The following PCDHGA3 variants were observed in gnomAD, a reference collection of about 807,000 sequenced individuals.
PCDHGA3 encodes protocadherin gamma-A3.
PCDHGA3 carries 40 observed loss-of-function variants against 58.5 expected under a neutral mutation model. That is an observed-to-expected ratio of 0.68 (90% confidence interval 0.53 to 0.89). The LOEUF (loss-of-function observed/expected upper bound fraction) is 0.89, where lower values mean the gene tolerates loss of function less well. Among genes scored for constraint, PCDHGA3 ranks in the 40% least tolerant of loss-of-function variants. The pLI, the probability that PCDHGA3 is intolerant of heterozygous loss-of-function variation, is 0.00. For missense variants in PCDHGA3, 1,223 were observed against 1,195.9 expected, an observed-to-expected ratio of 1.02 and a Z score of -0.33; for synonymous variants, 530 against 525.7, an observed-to-expected ratio of 1.01 and a Z score of -0.11.
At chr5:141,399,362 C>G (rs182743080) in intron 1 of PCDHGA3, 1 of 1,613,872 alleles carries the variant, frequency 6.2e-7, no homozygotes, top group Non-Finnish European at 8.5e-7. Context: ...GAGCAAACCC[C>G]GGAGTACAAT....
chr5:141,399,945 G>T, intron 1 of PCDHGA3: 2 of 1,612,308 alleles, frequency 1.2e-6, no homozygotes, highest in Non-Finnish European at 1.7e-6. Context: ...ACGTGCTGCA[G>T]GCTAGCGAGC....
At position 141,486,055 on chromosome 5, in the gene PCDHGA3, C is replaced by T; in HGVS notation, c.2425-8752C>T. 6.2e-7 allele frequency: 1 copy of T among 1,614,170 alleles called. No individual in the cohort carries two copies. ...CTGATCGTGTAAGAAACCTCTTTAG[C>T]CTGCACCCCACTACTGGAAAGCTTA... On this transcript the variant is annotated intron_variant, in intron 1 of 3. Transcript: ENST00000253812. The surrounding 1 kb of genome is among the most constrained non-coding windows in gnomAD (Gnocchi z 5.0).
intron 1 of PCDHGA3, chr5:141,372,764 T>C: frequency 6.2e-7 from 1 of 1,612,408 alleles, no homozygotes; most frequent in Non-Finnish European, 8.5e-7. Context: ...GGTTTGAAAG[T>C]AATGACAATC....
In PCDHGA3 at chr5:141,370,660, G is replaced by A. The variant is rs199537402; in HGVS notation, c.2424+24203G>A. 3.1e-6 allele frequency: 5 copies of A among 1,613,752 alleles called. No individual in the cohort carries two copies. The Admixed American group carries it at 5.0e-5, about 16-fold the overall frequency. ...AATGGGAACTTACTTGTGAGCGACC[G>A]TATAGACCGAGAGGAGATTTGTGGC... On this transcript the variant is annotated intron_variant, in intron 1 of 3. Transcript: ENST00000253812.
At chr5:141,505,261 T>C in intron 2 of PCDHGA3, 132 bp from the exon 3 acceptor site, 1 of 1,505,282 alleles carries the variant, frequency 6.6e-7, no homozygotes. Context: ...GCCTCCTACC[T>C]TGCTGAGAGA....
At chr5:141,469,782 G>A (rs760985231) in intron 1 of PCDHGA3, among the ~76,000 whole-genome samples, 8 of 152,204 alleles carry the variant, frequency 5.3e-5, no homozygotes, top group African/African-American at 1.7e-4. Context: ...TTATTACAGC[G>A]TTATTTGTAA....
intron 1 of PCDHGA3, chr5:141,416,346 T>A (rs2096017940): frequency 6.6e-6 from 1 of 152,238 alleles, no homozygotes; most frequent in African/African-American, 2.4e-5. Flanking sequence ...TCAATAGGGA[T>A]CCTGAGGAGG....
chr5:141,357,288 A>G (rs1399396689), intron 1 of PCDHGA3: 1 of 1,613,874 alleles, frequency 6.2e-7, no homozygotes, highest in Admixed American at 1.7e-5. Flanking sequence ...TCGTGGTGGC[A>G]GTGGCCGCTG....
At chr5:141,498,921 AG>A (rs1289139995) in intron 2 of PCDHGA3, among the ~76,000 whole-genome samples, 1 of 140,074 alleles carries the variant, frequency 7.1e-6, no homozygotes, top group Non-Finnish European at 1.6e-5. Flanking sequence ...TGACAGAGCG[AG>A]ACTCCATCAG....
chr5:141,352,800 G>A (rs1410243639), intron 1 of PCDHGA3: 9 of 919,340 alleles, frequency 9.8e-6, no homozygotes, highest in South Asian at 3.4e-5. Context: ...GACCAGCATA[G>A]CCAAGATGGT....
At chr5:141,392,901 C>G in intron 1 of PCDHGA3, 1 of 1,613,832 alleles carries the variant, frequency 6.2e-7, no homozygotes, top group Non-Finnish European at 8.5e-7. Context: ...CGGGAGGGGA[C>G]AGATTCGCTA....
intron 1 of PCDHGA3, chr5:141,350,165 A>G (rs759865508): frequency 6.9e-6 from 8 of 1,157,934 alleles, no homozygotes; most frequent in Non-Finnish European, 9.2e-6. Flanking sequence ...GCGCCTAACT[A>G]ATAAGTCCTA....
Position 141,365,610 on chromosome 5 carries a change from A to G in PCDHGA3, c.2424+19153A>G, listed in dbSNP as rs1764018673. 6.8e-6 allele frequency: 11 copies of G among 1,613,570 alleles called. No homozygotes were observed. Among genetic ancestry groups the G allele is most frequent in the African/African-American group, 1.3e-5 (1 of 74,926 alleles). ...AATATCACTTTAACCGTCATGGACC[A>G]TGGAACCCCGCCCCTCTCTACAGAA... On this transcript the variant is annotated intron_variant, in intron 1 of 3. Transcript: ENST00000253812.
intron 1 of PCDHGA3, among the ~76,000 whole-genome samples, chr5:141,353,006 A>G (rs1196529811): frequency 6.6e-6 from 1 of 152,160 alleles, no homozygotes; most frequent in African/African-American, 2.4e-5. Flanking sequence ...ACAAACAAAA[A>G]TTATATATTG....
chr5:141,403,649 T>A, intron 1 of PCDHGA3: 7 of 1,613,874 alleles, frequency 4.3e-6, no homozygotes, highest in Non-Finnish European at 5.9e-6. Flanking sequence ...TGTGACAGTG[T>A]TGGATACAAA....
chr5:141,390,176 C>T lies in PCDHGA3; in HGVS notation c.2424+43719C>T, dbSNP rs763410454. The T allele has an allele frequency of 5.6e-6, 9 of 1,614,000 alleles. No individual in the cohort carries two copies. In the East Asian group the frequency reaches 1.1e-4, roughly 20 times the overall value. ...ATACAGGAAAGACGGAGTTTAATTT[C>T]CTAAAATGTAGTGAGCAGTTGAGTT... On this transcript the variant is annotated intron_variant, in intron 1 of 3. Transcript: ENST00000253812.
At chr5:141,507,239 G>C (rs2099859378) in intron 3 of PCDHGA3, 1 of 152,310 alleles carries the variant, frequency 6.6e-6, no homozygotes, top group Non-Finnish European at 1.5e-5. Context: ...CCCAGTTACA[G>C]TTGAATGTCA....
chr5:141,398,686 G>T (rs2093688431), intron 1 of PCDHGA3: 6 of 1,613,920 alleles, frequency 3.7e-6, no homozygotes, highest in Non-Finnish European at 5.1e-6. Context: ...GGAGAAACAG[G>T]ATGGTAGTAA....
rs70988800 is a variant in PCDHGA3, at chr5:141,379,889, C to CTTTTTTTTTTTT, written c.2424+33451_2424+33462dup. Reference sequence around the variant, plus strand: ...CTTATTTTATGGTCTGTGAAAGCCTCTTTTTTTTTTTTTTTTTTTTTTTTT... The same window carrying CTTTTTTTTTTTT: ...CTTATTTTATGGTCTGTGAAAGCCTCTTTTTTTTTTTTTTTTTTTTTTTTTTTTTTTTTTTTT... On this transcript the variant is annotated intron_variant, in intron 1 of 3. Transcript: ENST00000253812. Among the ~76,000 whole-genome samples, 158 of 50,832 alleles carry CTTTTTTTTTTTT rather than the reference C, an allele frequency of 3.1e-3. 25 individuals are homozygous for CTTTTTTTTTTTT. The highest frequency in any genetic ancestry group is 4.7e-3 in the African/African-American group (71 of 15,080). 33.3% of individuals were successfully genotyped at this position (50,832 alleles called of 152,430 possible). A position where few individuals can be genotyped will look rare whatever the true frequency, so the allele number is the denominator to read the frequency against.
Sources: gnomAD v4.1 joint callset for allele counts (sites outside exome capture counted in the v4.1 genomes callset) on GRCh38, gnomAD v4.1.1 for gene constraint, Gnocchi (gnomAD v3.1) non-coding constraint, MANE v1.5 for transcripts, NCBI Gene and HGNC (gene_info 2026-07-23, HGNC 2026-07-21) for gene names.